ADCY4: variants seen among roughly 807,000 people sequenced by gnomAD.
ADCY4 encodes adenylate cyclase 4.
In ADCY4, 111 loss-of-function variants were observed where a neutral mutation model predicts 125.5. The observed-to-expected ratio is 0.88, with a 90% CI of 0.76 to 1.04. The LOEUF (loss-of-function observed/expected upper bound fraction) is 1.04. Ranked by LOEUF, ADCY4 falls within the 50% of genes least tolerant of loss-of-function variation. The pLI, the probability that ADCY4 is intolerant of heterozygous loss-of-function variation, is 0.00. For missense variants in ADCY4, 1,256 were observed against 1,382.9 expected (o/e 0.91, Z 1.46); for synonymous variants, 576 against 586.9 (o/e 0.98, Z 0.27).
intron 1 of ADCY4, among the ~76,000 whole-genome samples, chr14:24,334,284 G>T (rs1345209221): frequency 6.6e-6 from 1 of 152,178 alleles, no homozygotes; most frequent in African/African-American, 2.4e-5. Flanking sequence ...GGACAGAAAC[G>T]AGAAGCATCC....
Position 24,319,301 on chromosome 14 carries a change from G to C in ADCY4, c.2841+28C>G. 6.2e-7 allele frequency: 1 copy of C among 1,612,630 alleles called. No homozygotes were observed. Among genetic ancestry groups the C allele is most frequent in the East Asian group, 2.2e-5 (1 of 44,874 alleles). ...GCCCATCAATGAGAGCCCAGAGGAG[G>C]ATGGTAGGTAAGGAAGGGTTGCCGT... On this transcript the variant is annotated intron_variant, in intron 22 of 24. Coordinates refer to ENST00000418030, the MANE Select transcript of ADCY4 (RefSeq NM_001198568.2). This position sits in a 1 kb window ranked among gnomAD's most constrained non-coding sequence, Gnocchi z 4.5.
Position 24,331,834 on chromosome 14 carries a change from C to A in ADCY4, c.623G>T (p.Ser208Ile). ...CAGCCGCCGGCGTGAGTGCAGGGAGCTGAGTGCCTCCCGGAACGTGGCCCG... is the reference window on the plus strand; with the variant it reads ...CAGCCGCCGGCGTGAGTGCAGGGAGATGAGTGCCTCCCGGAACGTGGCCCG... ...ALRATFREALSSLHSRRRLDT... is the reference protein window; with the variant it reads ...ALRATFREALISLHSRRRLDT... Residue 208 changes from serine (S) to isoleucine (I), a missense_variant, in exon 4 of 25, where the codon AGC becomes ATC. Coordinates refer to ENST00000418030, the MANE Select transcript of ADCY4 (RefSeq NM_001198568.2). The A allele has an allele frequency of 6.2e-7, 1 of 1,604,140 alleles. No individual in the cohort carries two copies.
Position 24,324,157 on chromosome 14 carries a change from C to G in ADCY4, c.1951G>C (p.Ala651Pro), listed in dbSNP as rs2139202191. 6 of 1,614,258 alleles carry G rather than the reference C, an allele frequency of 3.7e-6. No homozygotes were observed. The highest frequency in any genetic ancestry group is 2.2e-5 in the East Asian group (1 of 44,892). ...CGTGTGGCCACCAGGCCAGACAGTG[C>G]AGGCAGCCAGTGCAGCATCTTGGGG... ...KGPKMLHWLP[A>P]LSGLVATRPG... Residue 651 changes from alanine (A) to proline (P), a missense_variant, in exon 16 of 25, where the codon GCA becomes CCA. Ala to Pro is a conservative substitution (Grantham distance 27). Coordinates refer to ENST00000418030, the MANE Select transcript of ADCY4 (RefSeq NM_001198568.2).
chr14:24,329,147 G>A lies in ADCY4; in HGVS notation c.1438C>T (p.Arg480Cys), dbSNP rs779542530. The change falls in exon 10 of 25, where the codon CGT becomes TGT. Residue 480 changes from arginine to cysteine, a missense_variant. Coordinates refer to ENST00000418030, the MANE Select transcript of ADCY4 (RefSeq NM_001198568.2). ...GCTGCGCCCCAGGACTCCAGGTAAC[G>A]GGTCATCAGCAGTGATGGACGCATC... is the stretch of plus-strand genomic sequence containing the variant. ...LKMRPSLLMTRYLESWGAAKP... is the reference protein window; with the variant it reads ...LKMRPSLLMTCYLESWGAAKP... 4 of 1,613,968 alleles carry A rather than the reference G, an allele frequency of 2.5e-6. No individual in the cohort carries two copies. Among genetic ancestry groups the A allele is most frequent in the South Asian group, 2.2e-5 (2 of 91,078 alleles).
At chr14:24,326,668 A>G (rs949007567) in intron 10 of ADCY4, among the ~76,000 whole-genome samples, 2 of 150,362 alleles carry the variant, frequency 1.3e-5, no homozygotes, top group African/African-American at 2.5e-5. Flanking sequence ...ATCTCGGCTC[A>G]CCACAACTTC....
In ADCY4 at chr14:24,329,906, G is replaced by A; in HGVS notation, c.1171C>T (p.His391Tyr). 1 of 1,614,154 alleles carries A rather than the reference G, an allele frequency of 6.2e-7. No individual in the cohort carries two copies. Among genetic ancestry groups the A allele is most frequent in the Non-Finnish European group, 8.5e-7 (1 of 1,180,016 alleles). Residue 391 changes from histidine to tyrosine, a missense_variant, in exon 8 of 25, where the codon CAT becomes TAT. Physicochemically the swap from His to Tyr is moderately conservative, Grantham distance 83. Transcript: ENST00000418030. The stretch of plus-strand genomic sequence containing the variant: ...ATGTGGTTAGCCAGTGTGACATCAT[G>A]TGACCAAACGTCGTACTGCCACTTC... Reference protein sequence around the residue: ...LQKWQYDVWSHDVTLANHMEA... With the variant: ...LQKWQYDVWSYDVTLANHMEA...
At chr14:24,329,601 C>G in intron 8 of ADCY4, 68 bp from the exon 9 acceptor site, 1 of 1,494,858 alleles carries the variant, frequency 6.7e-7, no homozygotes, top group South Asian at 1.4e-5. Flanking sequence ...TGCCCCATCA[C>G]CCCCATGGCT....
In ADCY4 at chr14:24,331,955, C is replaced by T. The variant is rs560867712; in HGVS notation, c.520-18G>A. ...GCTGCCAACTGTGGGTGAAGGCCAG[C>T]CTCAGAGGGCGCGGGACCCGGGTGC... is the stretch of plus-strand genomic sequence containing the variant. On this transcript the variant is annotated intron_variant, in intron 3 of 24. Coordinates refer to ENST00000418030, the MANE Select transcript of ADCY4 (RefSeq NM_001198568.2). The T allele has an allele frequency of 1.9e-6, 3 of 1,539,800 alleles. No individual in the cohort carries two copies. Among genetic ancestry groups the T allele is most frequent in the Admixed American group, 2.0e-5 (1 of 51,256 alleles).
Position 24,318,656 on chromosome 14 carries a change from G to C in ADCY4, c.3079C>G (p.Gln1027Glu). 6.2e-7 allele frequency: 1 copy of C among 1,614,080 alleles called. No individual in the cohort carries two copies. The change falls in exon 24 of 25, where the codon CAA becomes GAA. Residue 1027 changes from glutamine to glutamate, a missense_variant and splice_region_variant. Transcript: ENST00000418030. ...TGCCTCCAATGTGGTTCCCTCACTT[G>C]GATTTTGCCAAGGACTCCTGTACTC... is the stretch of plus-strand genomic sequence containing the variant. The part of the protein sequence containing the change: ...MESTGVLGKI[Q>E]VTEETAWALQ...
At chr14:24,329,571 C>T in intron 8 of ADCY4, 38 bp from the exon 9 acceptor site, 1 of 1,501,830 alleles carries the variant, frequency 6.7e-7, no homozygotes, top group Non-Finnish European at 8.9e-7. Flanking sequence ...GCAGGGAGGG[C>T]CTTCAAATCT....
Position 24,326,896 on chromosome 14 carries a change from A to ATTTTTTTTTT in ADCY4, c.1525-564_1525-555dup, listed in dbSNP as rs3078135. ...GGCATGAGCCACCGTACCTGGCTGG[A>ATTTTTTTTTT]TTTTTTTTTTTTTTTTTGCAACGGA... On this transcript the variant is annotated intron_variant, in intron 10 of 24. Coordinates refer to ENST00000418030, the MANE Select transcript of ADCY4 (RefSeq NM_001198568.2). Among the ~76,000 whole-genome samples, 18 of 109,918 alleles carry ATTTTTTTTTT rather than the reference A, an allele frequency of 1.6e-4. 2 individuals are homozygous for ATTTTTTTTTT. The highest frequency in any genetic ancestry group is 3.0e-4 in the East Asian group (1 of 3,378). 72.1% of individuals were successfully genotyped at this position (109,918 alleles called of 152,430 possible).
chr14:24,334,415 C>G, intron 1 of ADCY4, 79 bp downstream of exon 1: 1 of 1,460,892 alleles, frequency 6.8e-7, no homozygotes, highest in East Asian at 2.5e-5. Context: ...GAAAACACAT[C>G]GAAAAGAAGA....
Position 24,319,577 on chromosome 14 carries a change from G to A in ADCY4, c.2734-141C>T. 8.3e-7 allele frequency: 1 copy of A among 1,199,894 alleles called. No individual in the cohort carries two copies. The highest frequency in any genetic ancestry group is 1.2e-6 in the Non-Finnish European group (1 of 831,680). 74.3% of individuals were successfully genotyped at this position (1,199,894 alleles called of 1,614,324 possible). A position where few individuals can be genotyped will look rare whatever the true frequency, so the allele number is the denominator to read the frequency against. ...TGTCAGGAAGGAGAGGGTTGGTGGT[G>A]GGCAGTGTTGCTGGAGTGGGTAGAT... On this transcript the variant is annotated intron_variant, in intron 21 of 24. Coordinates refer to ENST00000418030, the MANE Select transcript of ADCY4 (RefSeq NM_001198568.2). The surrounding 1 kb of genome is among the most constrained non-coding windows in gnomAD (Gnocchi z 4.5).
At position 24,322,948 on chromosome 14, in the gene ADCY4, C is replaced by T. The variant is rs78813945; in HGVS notation, c.2298G>A (p.Ser766=). The change falls in exon 18 of 25, where the codon TCG becomes TCA. Residue 766 remains serine, a synonymous_variant. Transcript: ENST00000418030. ...GATAGAGGCGGACGATGAGGCATTC[C>T]GACAGCCAGGCATGGGAGTGCAGGA... ...SLFLHSHAWL[S]ECLIVRLYLG... is the part of the protein sequence containing the mutation. 2.3e-3 allele frequency: 3,715 copies of T among 1,612,454 alleles called. 94 individuals are homozygous for T. In the African/African-American group the frequency reaches 0.043, roughly 19 times the overall value.
Position 24,330,246 on chromosome 14 carries a change from A to C in ADCY4, c.980T>G (p.Val327Gly). 1 of 1,614,168 alleles carries C rather than the reference A, an allele frequency of 6.2e-7. No individual in the cohort carries two copies. The highest frequency in any genetic ancestry group is 8.5e-7 in the Non-Finnish European group (1 of 1,180,034). ...IKILGDCYYC[V>G]SGLPLSLPDH... ...TGGCAGTGAGAGTGGCAGCCCAGAG[A>C]CACAGTAGTAACAGTCCCCCAGGAT... The change falls in exon 7 of 25, where the codon GTC (valine) becomes GGC (glycine). Residue 327 changes from valine (V) to glycine (G), a missense_variant. Transcript: ENST00000418030.
In ADCY4 at chr14:24,330,313, G is replaced by A; in HGVS notation, c.931-18C>T. ...TCATGCTCCTGGGAGTGTGTATGTG[G>A]GTGTGCAGAGGAACCTGGTTAGAGG... On this transcript the variant is annotated intron_variant, in intron 6 of 24. Coordinates refer to ENST00000418030, the MANE Select transcript of ADCY4 (RefSeq NM_001198568.2). The A allele has an allele frequency of 6.2e-7, 1 of 1,613,614 alleles. No homozygotes were observed. Among genetic ancestry groups the A allele is most frequent in the South Asian group, 1.1e-5 (1 of 91,020 alleles).
chr14:24,322,552 T>G (rs372507183), intron 19 of ADCY4, 72 bp downstream of exon 19: 16 of 1,511,382 alleles, frequency 1.1e-5, no homozygotes, highest in East Asian at 4.5e-5. Context: ...CCCTGGAGAT[T>G]AGAAAGATCA....
rs1482619397 is a variant in ADCY4, at chr14:24,322,182, G to A, written c.2470C>T (p.Leu824=). 6.2e-7 allele frequency: 1 copy of A among 1,614,064 alleles called. No individual in the cohort carries two copies. ...TCTGTCTCCTCCCTCTCCTGCCTCA[G>A]CTTCTTCTTCCACAGGAAGTCCAGG... ...CRLDFLWKKK[L]RQEREETETM... is the part of the protein sequence containing the mutation. The change falls in exon 20 of 25, where the codon CTG becomes TTG. Residue 824 remains leucine (L), a synonymous_variant. Transcript: ENST00000418030.
chr14:24,319,274 A>T lies in ADCY4; in HGVS notation c.2841+55T>A. The T allele has an allele frequency of 6.2e-7, 1 of 1,612,158 alleles. No individual in the cohort carries two copies. The highest frequency in any genetic ancestry group is 8.5e-7 in the Non-Finnish European group (1 of 1,178,312). ...GGGCACAGGAATAAGTCCCACTAATAAGCCCATCAATGAGAGCCCAGAGGA... is the reference window on the plus strand; with the variant it reads ...GGGCACAGGAATAAGTCCCACTAATTAGCCCATCAATGAGAGCCCAGAGGA... On this transcript the variant is annotated intron_variant, in intron 22 of 24. Coordinates refer to ENST00000418030, the MANE Select transcript of ADCY4 (RefSeq NM_001198568.2). The surrounding 1 kb of genome is among the most constrained non-coding windows in gnomAD (Gnocchi z 4.5).
Sources: gnomAD v4.1 joint callset for allele counts (sites outside exome capture counted in the v4.1 genomes callset) on GRCh38, gnomAD v4.1.1 for gene constraint, Gnocchi (gnomAD v3.1) non-coding constraint, MANE v1.5 for transcripts, NCBI Gene and HGNC (gene_info 2026-07-23, HGNC 2026-07-21) for gene names.